The following ERMP1 variants were observed in gnomAD, a reference collection of about 807,000 sequenced individuals.
ERMP1 encodes Felix-ina.
Under a neutral mutation model 92.0 loss-of-function variants are expected in ERMP1, and 86 were observed. The ratio of observed to expected loss-of-function variants is 0.93; its 90% CI spans 0.79 to 1.12. The LOEUF is 1.12. Among genes scored for constraint, ERMP1 ranks in the 50% most tolerant of loss-of-function variants. The pLI, the probability that ERMP1 is intolerant of heterozygous loss-of-function variation, is 0.00. For synonymous variants in ERMP1, 530 were observed against 412.8 expected, an observed-to-expected ratio of 1.28 and a Z score of -3.44; for missense variants, 1,342 against 1,116.3, an observed-to-expected ratio of 1.20 and a Z score of -2.88.
At chr9:5,815,974 T>C (rs934420928) in intron 4 of ERMP1, among the ~76,000 whole-genome samples, 2 of 152,006 alleles carry the variant, frequency 1.3e-5, no homozygotes, top group East Asian at 1.9e-4. Flanking sequence ...TGCTAAAAAA[T>C]ACAATGAAAA....
intron 8 of ERMP1, among the ~76,000 whole-genome samples, chr9:5,808,901 C>G (rs1828974362): frequency 6.6e-6 from 1 of 152,012 alleles, no homozygotes; most frequent in South Asian, 2.1e-4. Context: ...CCATGCCTGG[C>G]TAATTTTTTG....
At chr9:5,797,514 G>T (rs1180285800) in intron 13 of ERMP1, among the ~76,000 whole-genome samples, 1 of 152,050 alleles carries the variant, frequency 6.6e-6, no homozygotes. Context: ...CAGGCATGGT[G>T]GCACACACCT....
At chr9:5,838,079 T>C (rs4742123), upstream of ERMP1, among the ~76,000 whole-genome samples, 51,581 of 151,908 alleles carry the variant, frequency 0.34, 10,128 homozygotes, top group East Asian at 0.75. Flanking sequence ...GCCTGGATTA[T>C]AGAACGAGAC....
chr9:5,827,437 A>T (rs1193849665), intron 2 of ERMP1, among the ~76,000 whole-genome samples: 3 of 152,250 alleles, frequency 2.0e-5, no homozygotes, highest in Non-Finnish European at 4.4e-5. Context: ...ATTCAAAGCT[A>T]CCCAGGACTG....
intron 6 of ERMP1, among the ~76,000 whole-genome samples, chr9:5,853,537 T>C (rs148042276): frequency 3.3e-4 from 50 of 152,156 alleles, no homozygotes; most frequent in African/African-American, 1.2e-3. Flanking sequence ...CAAAGAATTC[T>C]GCACTCCAGA....
chr9:5,861,815 A>G (rs1264850300), intron 5 of ERMP1, among the ~76,000 whole-genome samples: 1 of 119,414 alleles, frequency 8.4e-6, no homozygotes, highest in African/African-American at 3.2e-5. Context: ...GGGGAGGGGG[A>G]CTGCTCATTC....
At chr9:5,828,213 T>C (rs1829799467) in intron 2 of ERMP1, among the ~76,000 whole-genome samples, 1 of 152,218 alleles carries the variant, frequency 6.6e-6, no homozygotes, top group Non-Finnish European at 1.5e-5. Context: ...ACTCCACATA[T>C]ACAATCTGTA....
chr9:5,788,325 G>A (rs1263638072), intron 13 of ERMP1, among the ~76,000 whole-genome samples: 1 of 152,156 alleles, frequency 6.6e-6, no homozygotes, highest in Non-Finnish European at 1.5e-5. Context: ...TACTACTATA[G>A]TGTCCAGTCA....
At chr9:5,798,238 C>A (rs1230233192) in intron 12 of ERMP1, among the ~76,000 whole-genome samples, 1 of 151,506 alleles carries the variant, frequency 6.6e-6, no homozygotes, top group African/African-American at 2.4e-5. Flanking sequence ...CTTTGAGAGA[C>A]AGAGTTTTGC....
At chr9:5,855,875 G>C (rs1332518054) in intron 6 of ERMP1, 7 of 195,352 alleles carry the variant, frequency 3.6e-5, no homozygotes, top group Non-Finnish European at 1.1e-5. Context: ...AAAAATGGTG[G>C]AGCAAGCCTG....
upstream of ERMP1, among the ~76,000 whole-genome samples, chr9:5,836,125 G>GT (rs1830093615): frequency 6.6e-6 from 1 of 152,216 alleles, no homozygotes; most frequent in Admixed American, 6.5e-5. Context: ...TGTCCCTTCT[G>GT]TCTTGCCATC....
At chr9:5,865,149 A>AG (rs59355682) in intron 5 of ERMP1, among the ~76,000 whole-genome samples, 144,115 of 152,232 alleles carry the variant, frequency 0.95, 68,632 homozygotes, top group East Asian at 1. Flanking sequence ...TTTATATAAA[A>AG]TAAATGAAAA....
At chr9:5,859,338 A>C (rs12005923) in intron 6 of ERMP1, among the ~76,000 whole-genome samples, 87,027 of 151,814 alleles carry the variant, frequency 0.57, 25,781 homozygotes, top group South Asian at 0.69. Context: ...CACTTCCCCA[A>C]CCCTCATAAC....
chr9:5,854,728 T>C (rs1459883387), intron 6 of ERMP1, among the ~76,000 whole-genome samples: 1 of 152,186 alleles, frequency 6.6e-6, no homozygotes, highest in Non-Finnish European at 1.5e-5. Flanking sequence ...GGTTTTGCCA[T>C]GTTGCCCAGG....
intron 6 of ERMP1, among the ~76,000 whole-genome samples, chr9:5,854,762 G>C (rs1057327804): frequency 6.6e-6 from 1 of 152,090 alleles, no homozygotes; most frequent in South Asian, 2.1e-4. Context: ...CCTGACCTCA[G>C]GTAATCCACT....
intron 2 of ERMP1, 48 bp downstream of exon 2, chr9:5,830,679 C>T: frequency 2.0e-6 from 3 of 1,496,094 alleles, no homozygotes; most frequent in Non-Finnish European, 2.7e-6. Context: ...TGTTAATAAA[C>T]TTTCTGGGCT....
intron 10 of ERMP1, 59 bp downstream of exon 10, chr9:5,804,968 G>A (rs779321970): frequency 2.1e-4 from 277 of 1,314,936 alleles, no homozygotes; most frequent in Non-Finnish European, 2.8e-4. Context: ...AATCTAGTAT[G>A]GCTAAATTCA....
At chr9:5,860,882 A>T (rs4595177) in intron 5 of ERMP1, among the ~76,000 whole-genome samples, 85,583 of 151,876 alleles carry the variant, frequency 0.56, 25,234 homozygotes, top group South Asian at 0.69. Flanking sequence ...CTGGTTCCCT[A>T]TAAAAGGGTC....
chr9:5,834,962 T>TAGATAGAC (rs1481427632), upstream of ERMP1, among the ~76,000 whole-genome samples: 1 of 117,076 alleles, frequency 8.5e-6, no homozygotes, highest in Non-Finnish European at 1.8e-5. Flanking sequence ...AGACAGATGA[T>TAGATAGAC]AGATGGATAG....
Sources: gnomAD v4.1 joint callset for allele counts (sites outside exome capture counted in the v4.1 genomes callset) on GRCh38, gnomAD v4.1.1 for gene constraint, MANE v1.5 for transcripts, NCBI Gene and HGNC (gene_info 2026-07-23, HGNC 2026-07-21) for gene names.